KIF6: variants seen among roughly 807,000 people sequenced by gnomAD.
The protein encoded by KIF6 is kinesin-like protein KIF6.
A neutral mutation model predicts 112.7 loss-of-function variants in KIF6; 106 were observed. That is an observed-to-expected ratio of 0.94 (90% CI 0.80 to 1.11). KIF6 has a LOEUF of 1.11. Ranked by LOEUF, KIF6 falls within the 50% of genes least tolerant of loss-of-function variation. The pLI, the probability that KIF6 is intolerant of heterozygous loss-of-function variation, is 0.00. For missense variants in KIF6, 929 were observed against 964.0 expected, an observed-to-expected ratio of 0.96 and a Z score of 0.48; for synonymous variants, 339 against 339.9, an observed-to-expected ratio of 1.00 and a Z score of 0.03.
chr6:39,526,078 C>T (rs945406705), intron 13 of KIF6, among the ~76,000 whole-genome samples: 2 of 152,174 alleles, frequency 1.3e-5, no homozygotes, highest in Non-Finnish European at 2.9e-5. Flanking sequence ...TTCCTTTACC[C>T]TCTACTCTTC....
intron 5 of KIF6, among the ~76,000 whole-genome samples, chr6:39,621,076 T>A (rs1783789843): frequency 6.6e-6 from 1 of 151,770 alleles, no homozygotes; most frequent in Non-Finnish European, 1.5e-5. Flanking sequence ...GCCTACAACA[T>A]TTTTTTAATA....
At chr6:39,540,381 C>G (rs1778721451) in intron 12 of KIF6, among the ~76,000 whole-genome samples, 160 bp from the exon 13 acceptor site, 1 of 152,128 alleles carries the variant, frequency 6.6e-6, no homozygotes, top group Non-Finnish European at 1.5e-5. Context: ...TAGCAATGGA[C>G]AATTTAGGAG....
intron 13 of KIF6, among the ~76,000 whole-genome samples, chr6:39,517,380 A>G (rs1777144522): frequency 6.6e-6 from 1 of 152,204 alleles, no homozygotes; most frequent in Non-Finnish European, 1.5e-5. Context: ...TCAGATGACT[A>G]TCTTGCATTT....
At chr6:39,399,665 G>C (rs1297372613) in intron 15 of KIF6, among the ~76,000 whole-genome samples, 1 of 152,214 alleles carries the variant, frequency 6.6e-6, no homozygotes, top group Non-Finnish European at 1.5e-5. Context: ...TAGGCTGTTG[G>C]GCCCTGTGTC....
intron 14 of KIF6, among the ~76,000 whole-genome samples, chr6:39,430,852 C>T (rs16892100): frequency 0.011 from 1,639 of 152,316 alleles, 33 homozygotes; most frequent in African/African-American, 0.038. Context: ...TTGCTTACCC[C>T]AGTAGTACTG....
At chr6:39,430,162 T>G (rs1242409529) in intron 14 of KIF6, among the ~76,000 whole-genome samples, 1 of 152,128 alleles carries the variant, frequency 6.6e-6, no homozygotes, top group African/African-American at 2.4e-5. Flanking sequence ...CTCTTCTTTA[T>G]GCTTCTTCTC....
At chr6:39,561,708 A>C (rs1780018547) in intron 10 of KIF6, among the ~76,000 whole-genome samples, 1 of 152,168 alleles carries the variant, frequency 6.6e-6, no homozygotes, top group Non-Finnish European at 1.5e-5. Context: ...TTCCTAACTC[A>C]GCAAGGAAAC....
intron 10 of KIF6, among the ~76,000 whole-genome samples, chr6:39,577,340 T>C (rs747735414): frequency 1.3e-5 from 2 of 152,244 alleles, no homozygotes; most frequent in Non-Finnish European, 1.5e-5. Context: ...GAAATTATAG[T>C]ATATCTTTAG....
chr6:39,606,748 C>G (rs1782911529), intron 6 of KIF6, among the ~76,000 whole-genome samples: 1 of 152,164 alleles, frequency 6.6e-6, no homozygotes, highest in African/African-American at 2.4e-5. Context: ...TTTAAGGTTT[C>G]TTCTTTGGAT....
intron 18 of KIF6, among the ~76,000 whole-genome samples, chr6:39,358,071 G>A (rs1764850781): frequency 6.6e-6 from 1 of 152,206 alleles, no homozygotes; most frequent in African/African-American, 2.4e-5. Flanking sequence ...CATCCACCGA[G>A]CACTTTGTGT....
intron 10 of KIF6, among the ~76,000 whole-genome samples, chr6:39,552,761 AAG>A (rs1336352340): frequency 2.6e-5 from 4 of 152,216 alleles, no homozygotes; most frequent in African/African-American, 7.2e-5. Flanking sequence ...TATTAAAAAA[AAG>A]AGTTTTTAAC....
chr6:39,476,772 T>G (rs765944817), intron 13 of KIF6, among the ~76,000 whole-genome samples: 1 of 152,252 alleles, frequency 6.6e-6, no homozygotes, highest in Non-Finnish European at 1.5e-5. Context: ...GATTCTCCAC[T>G]TTTCAGTCTA....
At chr6:39,629,510 T>C (rs1426592465) in intron 5 of KIF6, among the ~76,000 whole-genome samples, 2 of 152,114 alleles carry the variant, frequency 1.3e-5, no homozygotes, top group East Asian at 3.8e-4. Flanking sequence ...TTTTAAAAAT[T>C]TGGGCATTTA....
chr6:39,489,888 T>C (rs1407243478), intron 13 of KIF6, among the ~76,000 whole-genome samples: 1 of 152,212 alleles, frequency 6.6e-6, no homozygotes, highest in Non-Finnish European at 1.5e-5. Context: ...GCAGAAAATA[T>C]ATTCAGAAAT....
rs76542547 is a variant in KIF6 at position 39,432,249 on chromosome 6, T to C, written c.1646-1088A>G. 6.6e-3 allele frequency among the ~76,000 whole-genome samples: 1,007 copies of C among 152,340 alleles called. 9 individuals carry two copies. Among genetic ancestry groups the C allele is most frequent in the African/African-American group, 0.023 (950 of 41,574 alleles). ...TGTGTCTTGTTCAAAGTCTGGCATT[T>C]AGAAGGTGCTCAGCATACATCTGTT... is the stretch of plus-strand genomic sequence containing the variant. On this transcript the variant is annotated intron_variant, in intron 13 of 22. Transcript: ENST00000287152.
chr6:39,623,934 T>C (rs1205271547), intron 5 of KIF6, among the ~76,000 whole-genome samples: 3 of 152,176 alleles, frequency 2.0e-5, no homozygotes, highest in South Asian at 2.1e-4. Context: ...AGCTCAGCTC[T>C]GCTCCCACCT....
intron 3 of KIF6, among the ~76,000 whole-genome samples, chr6:39,687,837 G>T (rs1299189712): frequency 6.6e-6 from 1 of 152,108 alleles, no homozygotes; most frequent in Non-Finnish European, 1.5e-5. Context: ...ACAGAATGAG[G>T]ATACTTTTCT....
intron 17 of KIF6, among the ~76,000 whole-genome samples, chr6:39,361,601 A>T (rs1765145376): frequency 2.0e-5 from 3 of 151,470 alleles, no homozygotes; most frequent in Admixed American, 6.6e-5. Context: ...TTGGAAAGAA[A>T]CTAAGGAAAA....
intron 13 of KIF6, among the ~76,000 whole-genome samples, chr6:39,508,902 TAACA>T (rs1776601808): frequency 6.6e-6 from 1 of 152,178 alleles, no homozygotes; most frequent in Non-Finnish European, 1.5e-5. Flanking sequence ...TGAGCTCTGA[TAACA>T]AACAGACTGC....
Sources: allele counts gnomAD v4.1 joint callset (sites outside exome capture counted in the v4.1 genomes callset), GRCh38; gene constraint gnomAD v4.1.1; transcripts MANE v1.5; gene names NCBI Gene and HGNC (gene_info 2026-07-23, HGNC 2026-07-21).